BBS9: variants seen among roughly 807,000 people sequenced by gnomAD.
The protein encoded by BBS9 is protein PTHB1.
BBS9 carries 89 observed loss-of-function variants against 117.7 expected under a neutral mutation model. That is an observed-to-expected ratio of 0.76 (90% CI 0.64 to 0.90). The LOEUF (loss-of-function observed/expected upper bound fraction) is 0.90. Ranked by LOEUF, BBS9 falls within the 40% of genes least tolerant of loss-of-function variation. The probability of loss-of-function intolerance (pLI) is 0.00; values close to 1 mark genes in which losing one functional copy is unlikely to be tolerated. For synonymous variants in BBS9, 379 were observed against 370.9 expected (o/e 1.02, Z -0.25); for missense variants, 982 against 1,042.2 (o/e 0.94, Z 0.80).
chr7:33,155,925 C>G (rs116781171), intron 4 of BBS9, among the ~76,000 whole-genome samples: 1,540 of 152,188 alleles, frequency 0.01, 29 homozygotes, highest in African/African-American at 0.035. Flanking sequence ...ATCTTTCTAG[C>G]AGAGGATTCC....
At chr7:33,564,771 C>T (rs1012987333) in intron 21 of BBS9, among the ~76,000 whole-genome samples, 2 of 152,146 alleles carry the variant, frequency 1.3e-5, no homozygotes, top group African/African-American at 2.4e-5. Context: ...TTCTATGTTG[C>T]CTTACCAGGC....
At chr7:33,173,976 C>T (rs1048946332) in intron 4 of BBS9, among the ~76,000 whole-genome samples, 7 of 152,086 alleles carry the variant, frequency 4.6e-5, no homozygotes, top group South Asian at 2.1e-4. Context: ...AACTTTATAC[C>T]GCCTGCAATA....
chr7:33,527,778 G>A (rs1288672217), intron 20 of BBS9, among the ~76,000 whole-genome samples: 2 of 152,134 alleles, frequency 1.3e-5, no homozygotes, highest in Non-Finnish European at 2.9e-5. Flanking sequence ...CTCCTCTCGG[G>A]CTGTTTTATT....
At chr7:33,290,746 A>T (rs1562945185) in intron 9 of BBS9, among the ~76,000 whole-genome samples, 2 of 152,162 alleles carry the variant, frequency 1.3e-5, no homozygotes, top group Non-Finnish European at 2.9e-5. Flanking sequence ...TGGTATAGAA[A>T]TTTTTTTATG....
intron 5 of BBS9, among the ~76,000 whole-genome samples, chr7:33,192,817 CAGA>C (rs1455278145): frequency 3.3e-5 from 5 of 152,180 alleles, no homozygotes; most frequent in Non-Finnish European, 7.3e-5. Context: ...CCTCACATGG[CAGA>C]AGAACAGAGG....
intron 21 of BBS9, among the ~76,000 whole-genome samples, chr7:33,581,889 T>C (rs1860007296): frequency 6.6e-6 from 1 of 152,194 alleles, no homozygotes; most frequent in Non-Finnish European, 1.5e-5. Context: ...AATAGACTAA[T>C]GTACTCTTTT....
At chr7:33,200,642 C>A (rs148328126) in intron 5 of BBS9, among the ~76,000 whole-genome samples, 1 of 152,236 alleles carries the variant, frequency 6.6e-6, no homozygotes, top group Non-Finnish European at 1.5e-5. Context: ...ATTATTGAAT[C>A]TGTCAGTTTT....
chr7:33,314,542 A>G lies in BBS9; in HGVS notation c.1017-21899A>G, dbSNP rs187961108. The G allele has an allele frequency of 1.3e-4, 21 of 165,254 alleles. No individual in the cohort carries two copies. The East Asian group carries it at 3.6e-3, about 29-fold the overall frequency. The allele number at this position is 165,254 out of a possible 1,614,324, so 10.2% of individuals were successfully genotyped here. On this transcript the variant is annotated intron_variant, in intron 9 of 22. Transcript: ENST00000242067. ...TGACTTCAAGGGTTCCATTTGAACT[A>G]TTATGGGCAATTAAAGAGTTTTACA... is the stretch of plus-strand genomic sequence containing the variant.
intron 20 of BBS9, among the ~76,000 whole-genome samples, chr7:33,521,377 G>A (rs1177612270): frequency 6.6e-6 from 1 of 152,208 alleles, no homozygotes; most frequent in Non-Finnish European, 1.5e-5. Flanking sequence ...ATAGGAGGCA[G>A]TGTGCTTGAT....
intron 9 of BBS9, among the ~76,000 whole-genome samples, chr7:33,327,250 G>A (rs746989183): frequency 6.6e-6 from 1 of 152,206 alleles, no homozygotes; most frequent in Non-Finnish European, 1.5e-5. Flanking sequence ...GAAGACTCTT[G>A]TAAGGATTTG....
chr7:33,280,174 A>AT (rs1562929835), intron 9 of BBS9, among the ~76,000 whole-genome samples: 2 of 152,146 alleles, frequency 1.3e-5, no homozygotes, highest in South Asian at 4.2e-4. Flanking sequence ...GCTTATTTAA[A>AT]TTTTTTTAAA....
intron 10 of BBS9, 42 bp from the exon 11 acceptor site, chr7:33,340,855 T>G: frequency 6.5e-7 from 1 of 1,546,462 alleles, no homozygotes; most frequent in South Asian, 1.1e-5. Context: ...TATAGAAAGT[T>G]TTACTTTATG....
chr7:33,390,662 T>C, intron 19 of BBS9: 1 of 901,850 alleles, frequency 1.1e-6, no homozygotes, highest in Non-Finnish European at 1.3e-6. Context: ...TTAGTCAGTT[T>C]TTTAATGACA....
chr7:33,571,210 C>T (rs920759543), intron 21 of BBS9, among the ~76,000 whole-genome samples: 3 of 152,108 alleles, frequency 2.0e-5, no homozygotes, highest in Admixed American at 6.5e-5. Flanking sequence ...TACAAATATG[C>T]TCTATGGTCT....
At chr7:33,357,181 A>G (rs1291422809) in intron 15 of BBS9, among the ~76,000 whole-genome samples, 1 of 151,874 alleles carries the variant, frequency 6.6e-6, no homozygotes, top group African/African-American at 2.4e-5. Flanking sequence ...TATGAGTATT[A>G]AAATCATTTA....
chr7:33,304,670 T>G (rs1340188414), intron 9 of BBS9, among the ~76,000 whole-genome samples: 1 of 151,620 alleles, frequency 6.6e-6, no homozygotes, highest in Non-Finnish European at 1.5e-5. Context: ...TGGGCCATGA[T>G]GACGATGGCG....
intron 5 of BBS9, among the ~76,000 whole-genome samples, chr7:33,245,723 A>G (rs1194609491): frequency 6.6e-6 from 1 of 152,158 alleles, no homozygotes; most frequent in African/African-American, 2.4e-5. Flanking sequence ...TCTTGCTTTT[A>G]TGATGGTTCA....
chr7:33,332,637 A>G lies in BBS9; in HGVS notation c.1017-3804A>G, dbSNP rs560131200. ...GGTTGCAGTGAGCTGAGATCACGCC[A>G]CTGCATTCCAGCCTGGGCAACAGAG... On this transcript the variant is annotated intron_variant, in intron 9 of 22. Coordinates refer to ENST00000242067, the MANE Select transcript of BBS9 (RefSeq NM_198428.3). Among the ~76,000 whole-genome samples the G allele has an allele frequency of 1.5e-4, 23 of 152,226 alleles. No homozygotes were observed. In the East Asian group the frequency reaches 4.5e-3, roughly 29 times the overall value.
chr7:33,386,752 C>T lies in BBS9; in HGVS notation c.1963-1240C>T, dbSNP rs12666965. The stretch of plus-strand genomic sequence containing the variant: ...CTCGTGATCCGCCCGCCTCGGCCTC[C>T]CAAAGTTCTGGGATTACAGGCGTGA... On this transcript the variant is annotated intron_variant, in intron 18 of 22. Transcript: ENST00000242067. Among the ~76,000 whole-genome samples the T allele has an allele frequency of 0.02, 2,991 of 152,044 alleles. 202 individuals carry two copies. In the East Asian group the frequency reaches 0.26, roughly 13 times the overall value.
Sources: gnomAD v4.1 joint callset for allele counts (sites outside exome capture counted in the v4.1 genomes callset) on GRCh38, gnomAD v4.1.1 for gene constraint, MANE v1.5 for transcripts, NCBI Gene and HGNC (gene_info 2026-07-23, HGNC 2026-07-21) for gene names.